The following SLC25A36 variants were observed in gnomAD, a reference collection of about 807,000 sequenced individuals.
The protein encoded by SLC25A36 is epididymis secretory sperm binding protein.
Under a neutral mutation model 35.3 loss-of-function variants are expected in SLC25A36, and 24 were observed. The observed-to-expected ratio is 0.68, with a 90% CI of 0.49 to 0.96. The LOEUF is 0.96. Ranked by LOEUF, SLC25A36 falls within the 40% of genes least tolerant of loss-of-function variation. The pLI, the probability that SLC25A36 is intolerant of heterozygous loss-of-function variation, is 0.00. For missense variants in SLC25A36, 294 were observed against 381.1 expected (o/e 0.77, Z 1.90); for synonymous variants, 141 against 132.2 (o/e 1.07, Z -0.46).
At chr3:140,944,139 A>G (rs1576474241) in intron 1 of SLC25A36, among the ~76,000 whole-genome samples, 1 of 152,344 alleles carries the variant, frequency 6.6e-6, no homozygotes, top group South Asian at 2.1e-4. Flanking sequence ...AAGGAAGCCC[A>G]GTATATTTTA....
chr3:140,977,710 T>C lies in SLC25A36; in HGVS notation c.*1257T>C, dbSNP rs1935084389. Reference sequence around the variant, plus strand: ...AAATGTGTTATTTGTATGGCCCTTATAAAGGTGTTTGCTGTAATTCTGTTA... The same window carrying C: ...AAATGTGTTATTTGTATGGCCCTTACAAAGGTGTTTGCTGTAATTCTGTTA... On this transcript the variant is annotated 3_prime_UTR_variant, in exon 7 of 7. Coordinates refer to ENST00000324194, the MANE Select transcript of SLC25A36 (RefSeq NM_001104647.3). 6.6e-6 allele frequency: 1 copy of C among 152,214 alleles called. No homozygotes were observed. Among genetic ancestry groups the C allele is most frequent in the Non-Finnish European group, 1.5e-5 (1 of 68,038 alleles). The allele number at this position is 152,214 out of a possible 1,614,324, so 9.4% of individuals were successfully genotyped here.
At chr3:140,943,531 A>G (rs1934079092) in intron 1 of SLC25A36, among the ~76,000 whole-genome samples, 1 of 152,258 alleles carries the variant, frequency 6.6e-6, no homozygotes, top group Non-Finnish European at 1.5e-5. Flanking sequence ...TTCTGTAGCT[A>G]TGTAGATGCT....
intron 5 of SLC25A36, among the ~76,000 whole-genome samples, chr3:140,971,542 A>G (rs1169019160): frequency 6.6e-6 from 1 of 152,216 alleles, no homozygotes; most frequent in African/African-American, 2.4e-5. Context: ...GCACCAGGAA[A>G]CAGTGGGGAC....
chr3:140,976,117 T>C (rs1436260172), intron 6 of SLC25A36, 143 bp from the exon 7 acceptor site: 3 of 556,608 alleles, frequency 5.4e-6, no homozygotes, highest in Non-Finnish European at 9.3e-6. Context: ...ATAATGTGAC[T>C]GGTTTCAATA....
In SLC25A36 at chr3:140,973,775, A is replaced by G. The variant is rs1418963070; in HGVS notation, c.512A>G (p.Asp171Gly). Reference sequence around the variant, plus strand: ...TGTGTTCGTAAAGTGTATCAGACAGATGGACTAAAAGGATTTTATAGGGGC... The same window carrying G: ...TGTGTTCGTAAAGTGTATCAGACAGGTGGACTAAAAGGATTTTATAGGGGC... ...FECVRKVYQT[D>G]GLKGFYRGMS... Residue 171 changes from aspartate (D) to glycine (G), a missense_variant, in exon 6 of 7, where the codon GAT (aspartate) becomes GGT (glycine). Around this residue, in one of 2 missense-constraint regions of SLC25A36, gnomAD observed 109 missense variants for 179.7 expected, o/e 0.61. Coordinates refer to ENST00000324194, the MANE Select transcript of SLC25A36 (RefSeq NM_001104647.3). 2 of 1,611,258 alleles carry G rather than the reference A, an allele frequency of 1.2e-6. No individual in the cohort carries two copies. Among genetic ancestry groups the G allele is most frequent in the African/African-American group, 1.3e-5 (1 of 74,862 alleles).
rs184902293 is a variant in SLC25A36 at position 140,952,614 on chromosome 3, G to A, written c.42-3913G>A. On this transcript the variant is annotated intron_variant, in intron 1 of 6. Transcript: ENST00000324194. ...TAACTACATAGCTAATATTTATTGA[G>A]CACTTTTTATGTGCCACTTTACAAA... 1.4e-3 allele frequency among the ~76,000 whole-genome samples: 214 copies of A among 152,208 alleles called. 1 individual carries two copies. Among genetic ancestry groups the A allele is most frequent in the Non-Finnish European group, 1.8e-3 (125 of 68,012 alleles).
rs561932842 is a variant in SLC25A36, at chr3:140,949,074, TTTTA to T, written c.41+6983_41+6986del. ...TACAAAACTTGTTTGCACAGGGTTG[TTTTA>T]TTTGTTTTGTTTTTTAAACCAGTTT... On this transcript the variant is annotated intron_variant, in intron 1 of 6. Transcript: ENST00000324194. Among the ~76,000 whole-genome samples, 405 of 152,364 alleles carry T rather than the reference TTTTA, an allele frequency of 2.7e-3. 6 individuals are homozygous for T. The highest frequency in any genetic ancestry group is 1.0e-2 in the Admixed American group (153 of 15,306).
chr3:140,966,684 T>G (rs1934769080), intron 4 of SLC25A36: 1 of 342,004 alleles, frequency 2.9e-6, no homozygotes, highest in African/African-American at 2.2e-5. Flanking sequence ...TAAGGCAGAA[T>G]TGATCTTCTT....
At chr3:140,973,638 T>C in intron 5 of SLC25A36, 78 bp from the exon 6 acceptor site, 3 of 1,038,724 alleles carry the variant, frequency 2.9e-6, no homozygotes, top group Non-Finnish European at 3.8e-6. Flanking sequence ...CATTCTTTTA[T>C]TATTAGAATG....
chr3:140,963,224 G>T lies in SLC25A36; in HGVS notation c.382G>T (p.Ala128Ser). 1.3e-6 allele frequency: 2 copies of T among 1,562,392 alleles called. No individual in the cohort carries two copies. Among genetic ancestry groups the T allele is most frequent in the South Asian group, 2.4e-5 (2 of 83,734 alleles). ...TQVHMISAAMAGFTAITATNP... is the reference protein window; with the variant it reads ...TQVHMISAAMSGFTAITATNP... ...AGTACATATGATTTCAGCTGCAATG[G>T]CAGGTATGAATGTATAATATTAAAA... The change falls in exon 4 of 7, where the codon GCA becomes TCA. Residue 128 changes from alanine to serine, a missense_variant. Ala to Ser is a moderately conservative substitution (Grantham distance 99). This residue lies in a region of SLC25A36 where 185 missense variants were observed against 201.5 expected (regional missense o/e 0.92). Coordinates refer to ENST00000324194, the MANE Select transcript of SLC25A36 (RefSeq NM_001104647.3).
At chr3:140,974,961 A>C (rs1576489880) in intron 6 of SLC25A36, among the ~76,000 whole-genome samples, 1 of 152,236 alleles carries the variant, frequency 6.6e-6, no homozygotes, top group East Asian at 1.9e-4. Context: ...TTGTTTAGAT[A>C]CTGACCTATG....
chr3:140,965,238 C>T (rs1934730285), intron 4 of SLC25A36: 1 of 151,506 alleles, frequency 6.6e-6, no homozygotes, highest in South Asian at 2.1e-4. Flanking sequence ...GGCTTTTGCC[C>T]CCTTTGTTCT....
chr3:140,972,162 T>C (rs757945368), intron 5 of SLC25A36, among the ~76,000 whole-genome samples: 12 of 152,238 alleles, frequency 7.9e-5, no homozygotes, highest in Non-Finnish European at 1.6e-4. Flanking sequence ...TCCACATTAT[T>C]CTATTGTAAA....
intron 6 of SLC25A36, 47 bp downstream of exon 6, chr3:140,974,052 C>G: frequency 8.0e-7 from 1 of 1,257,616 alleles, no homozygotes; most frequent in Non-Finnish European, 1.1e-6. Flanking sequence ...CCACCCCAGC[C>G]AACAGCTCAC....
At chr3:140,966,321 A>T (rs1934760088) in intron 4 of SLC25A36, 1 of 327,686 alleles carries the variant, frequency 3.1e-6, no homozygotes, top group Non-Finnish European at 6.1e-6. Flanking sequence ...TTGTGTGTAA[A>T]CATTCTTCCT....
intron 1 of SLC25A36, among the ~76,000 whole-genome samples, chr3:140,952,365 G>A (rs1171619816): frequency 6.6e-6 from 1 of 152,012 alleles, no homozygotes; most frequent in African/African-American, 2.4e-5. Context: ...TGCTTAGGCT[G>A]GTTTCAAACT....
chr3:140,965,316 G>A (rs556865375), intron 4 of SLC25A36: 22 of 151,644 alleles, frequency 1.5e-4, no homozygotes, highest in Non-Finnish European at 2.5e-4. Context: ...AAATATGAAT[G>A]ATTTGGGGGT....
chr3:140,953,583 A>G (rs1934388747), intron 1 of SLC25A36, among the ~76,000 whole-genome samples: 1 of 152,202 alleles, frequency 6.6e-6, no homozygotes. Flanking sequence ...TCGTTTACAT[A>G]CAGTAAAATC....
At chr3:140,959,373 C>T in intron 2 of SLC25A36, 90 bp from the exon 3 acceptor site, 1 of 759,382 alleles carries the variant, frequency 1.3e-6, no homozygotes, top group Non-Finnish European at 2.1e-6. Flanking sequence ...TACAAATGTA[C>T]TGGATTTAGA....
Sources: allele counts gnomAD v4.1 joint callset (sites outside exome capture counted in the v4.1 genomes callset), GRCh38; gene constraint gnomAD v4.1.1; regional missense constraint gnomAD v4.1.1; transcripts MANE v1.5; gene names NCBI Gene and HGNC (gene_info 2026-07-23, HGNC 2026-07-21).